TSPAN18: variants seen among roughly 807,000 people sequenced by gnomAD.
TSPAN18 encodes the protein tetraspanin-18.
In TSPAN18, 14 loss-of-function variants were observed where a neutral mutation model predicts 27.3. The observed-to-expected ratio is 0.51, with a 90% CI of 0.34 to 0.80. The LOEUF is 0.80. Among genes scored for constraint, TSPAN18 ranks in the 30% least tolerant of loss-of-function variants. The pLI, the probability that TSPAN18 is intolerant of heterozygous loss-of-function variation, is 0.01. For missense variants in TSPAN18, 268 were observed against 323.9 expected, an observed-to-expected ratio of 0.83 and a Z score of 1.32; for synonymous variants, 143 against 136.5, an observed-to-expected ratio of 1.05 and a Z score of -0.33.
At chr11:44,808,566 A>G (rs553758729) in intron 2 of TSPAN18, among the ~76,000 whole-genome samples, 2 of 152,184 alleles carry the variant, frequency 1.3e-5, no homozygotes, top group African/African-American at 4.8e-5. Context: ...AGTGACATGT[A>G]CAAATACATC....
At chr11:44,814,485 G>A (rs1856781143) in intron 2 of TSPAN18, among the ~76,000 whole-genome samples, 1 of 152,208 alleles carries the variant, frequency 6.6e-6, no homozygotes, top group South Asian at 2.1e-4. Context: ...GCATTGACTA[G>A]TCCCAGTGCC....
At position 44,763,640 on chromosome 11, in the gene TSPAN18, A is replaced by G. The variant is rs561504410; in HGVS notation, c.-239-786A>G. ...AAAGCCTTTTTTTCAGCCTGAGGAA[A>G]CTGGAGTTCCCACACCAAGTTGATA... On this transcript the variant is annotated intron_variant, in intron 1 of 9. Coordinates refer to ENST00000520358, the MANE Select transcript of TSPAN18 (RefSeq NM_130783.5). Among the ~76,000 whole-genome samples, 6 of 152,312 alleles carry G rather than the reference A, an allele frequency of 3.9e-5. No individual in the cohort carries two copies. The South Asian group carries it at 1.2e-3, about 32-fold the overall frequency.
chr11:44,833,168 G>A lies in TSPAN18; in HGVS notation c.-152-27160G>A, dbSNP rs536535326. 7.8e-4 allele frequency among the ~76,000 whole-genome samples: 118 copies of A among 151,984 alleles called. 1 individual carries two copies. The highest frequency in any genetic ancestry group is 2.7e-3 in the African/African-American group (114 of 41,456). The stretch of plus-strand genomic sequence containing the variant: ...GGTGCCTGGCTGTCCTGGACACAAT[G>A]GACAGGGCAGGATCCTGGATGGACA... On this transcript the variant is annotated intron_variant, in intron 2 of 9. Transcript: ENST00000520358.
chr11:44,790,399 G>C (rs372323657), intron 2 of TSPAN18, among the ~76,000 whole-genome samples: 14 of 148,342 alleles, frequency 9.4e-5, no homozygotes, highest in Middle Eastern at 3.9e-3. Context: ...ATGTGCTCTT[G>C]CTTGTACGTG....
At chr11:44,845,978 C>T (rs1857471992) in intron 2 of TSPAN18, among the ~76,000 whole-genome samples, 1 of 152,240 alleles carries the variant, frequency 6.6e-6, no homozygotes, top group South Asian at 2.1e-4. Flanking sequence ...ACTCCTGCTT[C>T]CCCTCCTGGG....
chr11:44,782,005 G>A (rs1392521213), intron 2 of TSPAN18, among the ~76,000 whole-genome samples: 1 of 152,144 alleles, frequency 6.6e-6, no homozygotes, highest in East Asian at 1.9e-4. Context: ...ATTTACATTG[G>A]TGCCTGTTTT....
rs1860247834 is a variant in TSPAN18, at chr11:44,924,062, A to G, written c.616-2612A>G. On this transcript the variant is annotated intron_variant, in intron 8 of 9. Coordinates refer to ENST00000520358, the MANE Select transcript of TSPAN18 (RefSeq NM_130783.5). ...TGTCAAAGTCAATTTCATGCTCTGG[A>G]AGAGATGTGCTGCTTCTCCTGTCCC... Among the ~76,000 whole-genome samples, 3 of 150,762 alleles carry G rather than the reference A, an allele frequency of 2.0e-5. No individual in the cohort carries two copies. The South Asian group carries it at 6.3e-4, about 32-fold the overall frequency.
At chr11:44,781,753 A>C (rs140430145) in intron 2 of TSPAN18, among the ~76,000 whole-genome samples, 244 of 152,334 alleles carry the variant, frequency 1.6e-3, no homozygotes, top group Non-Finnish European at 2.6e-3. Context: ...AAATTGTACA[A>C]TAACATCCAT....
chr11:44,855,537 A>G (rs1185340470), intron 2 of TSPAN18, among the ~76,000 whole-genome samples: 1 of 152,138 alleles, frequency 6.6e-6, no homozygotes, highest in Non-Finnish European at 1.5e-5. Flanking sequence ...TTCCCACTTT[A>G]TAGGGGAGGG....
At position 44,871,211 on chromosome 11, in the gene TSPAN18, A is replaced by C. The variant is rs372460584; in HGVS notation, c.-11+10742A>C. The stretch of plus-strand genomic sequence containing the variant: ...CCATAGACTAGGTGGATTAAACAAC[A>C]AATATTTATTTCTCAAGATGCTAGA... On this transcript the variant is annotated intron_variant, in intron 3 of 9. Transcript: ENST00000520358. 3.9e-5 allele frequency among the ~76,000 whole-genome samples: 6 copies of C among 152,262 alleles called. No homozygotes were observed. In the East Asian group the frequency reaches 1.2e-3, roughly 29 times the overall value.
At chr11:44,867,021 T>C (rs912010632) in intron 3 of TSPAN18, among the ~76,000 whole-genome samples, 1 of 152,182 alleles carries the variant, frequency 6.6e-6, no homozygotes, top group Non-Finnish European at 1.5e-5. Context: ...CAACCTTAAA[T>C]CAGATTCTTT....
At chr11:44,753,850 G>A (rs1234499063) in intron 1 of TSPAN18, among the ~76,000 whole-genome samples, 1 of 152,180 alleles carries the variant, frequency 6.6e-6, no homozygotes, top group Non-Finnish European at 1.5e-5. Flanking sequence ...CAGGGTGACA[G>A]CCTATCCACT....
At chr11:44,834,448 G>T (rs1857222274) in intron 2 of TSPAN18, among the ~76,000 whole-genome samples, 1 of 152,152 alleles carries the variant, frequency 6.6e-6, no homozygotes, top group African/African-American at 2.4e-5. Context: ...GTGTGTGCCT[G>T]GGTTGTGAAG....
intron 2 of TSPAN18, among the ~76,000 whole-genome samples, chr11:44,847,233 A>G (rs897532583): frequency 2.6e-5 from 4 of 152,166 alleles, no homozygotes; most frequent in African/African-American, 7.2e-5. Context: ...AGCAGAGGCA[A>G]AGGCCTGGAG....
intron 3 of TSPAN18, among the ~76,000 whole-genome samples, chr11:44,873,459 T>C (rs755876828): frequency 7.9e-5 from 12 of 152,174 alleles, no homozygotes; most frequent in Non-Finnish European, 1.0e-4. Flanking sequence ...TGTGGCCCTA[T>C]TCTTGTGGCT....
chr11:44,864,965 AATGG>A (rs1303446221), intron 3 of TSPAN18, among the ~76,000 whole-genome samples: 2 of 152,136 alleles, frequency 1.3e-5, no homozygotes, highest in African/African-American at 4.8e-5. Flanking sequence ...GAGGTTGGTG[AATGG>A]ATGGATGGGT....
At position 44,930,496 on chromosome 11, in the gene TSPAN18, A is replaced by C. The variant is rs889762073; in HGVS notation, c.*1318A>C. 4.5e-5 allele frequency: 11 copies of C among 243,258 alleles called. No individual in the cohort carries two copies. Among genetic ancestry groups the C allele is most frequent in the Non-Finnish European group, 8.2e-5 (10 of 122,108 alleles). 15.1% of individuals were successfully genotyped at this position (243,258 alleles called of 1,614,324 possible). On this transcript the variant is annotated 3_prime_UTR_variant, in exon 10 of 10. Transcript: ENST00000520358. Reference sequence around the variant, plus strand: ...CTCCAGGCTAAAGAATCCCGAAGGCATCGAGGCCATTTCTGCTGCAACAAG... The same window carrying C: ...CTCCAGGCTAAAGAATCCCGAAGGCCTCGAGGCCATTTCTGCTGCAACAAG...
intron 3 of TSPAN18, among the ~76,000 whole-genome samples, chr11:44,895,571 G>T (rs752096397): frequency 7.9e-5 from 12 of 152,014 alleles, no homozygotes; most frequent in Non-Finnish European, 1.8e-4. Context: ...AGAGGACAAA[G>T]AAAAAAAGGG....
chr11:44,865,344 T>C (rs2135225102), intron 3 of TSPAN18, among the ~76,000 whole-genome samples: 1 of 152,306 alleles, frequency 6.6e-6, no homozygotes, highest in East Asian at 1.9e-4. Context: ...TTAAATTAAA[T>C]AATGAGTGTT....
Sources: gnomAD v4.1 joint callset for allele counts (sites outside exome capture counted in the v4.1 genomes callset) on GRCh38, gnomAD v4.1.1 for gene constraint, MANE v1.5 for transcripts, NCBI Gene and HGNC (gene_info 2026-07-23, HGNC 2026-07-21) for gene names.